NEK5: variants seen among roughly 807,000 people sequenced by gnomAD.
The protein encoded by NEK5 is serine/threonine-protein kinase Nek5.
NEK5 carries 88 observed loss-of-function variants against 109.2 expected under a neutral mutation model. The ratio of observed to expected loss-of-function variants is 0.81; its 90% confidence interval spans 0.68 to 0.96. The LOEUF (loss-of-function observed/expected upper bound fraction) is 0.96, where lower values mean the gene tolerates loss of function less well. Among genes scored for constraint, NEK5 ranks in the 40% least tolerant of loss-of-function variants. The probability of loss-of-function intolerance (pLI) is 0.00; values close to 1 mark genes in which losing one functional copy is unlikely to be tolerated. For missense variants in NEK5, 834 were observed against 920.7 expected (o/e 0.91, Z 1.22); for synonymous variants, 283 against 299.9 (o/e 0.94, Z 0.58).
rs111838891 is a variant in NEK5 at position 52,102,269 on chromosome 13, C to G, written c.633G>C (p.Gln211His). The G allele has an allele frequency of 9.9e-6, 16 of 1,614,074 alleles. No homozygotes were observed. The African/African-American group carries it at 1.3e-4, about 13-fold the overall frequency. ...KHPFEGNNLQQLVLKICQAHF... is the reference protein window; with the variant it reads ...KHPFEGNNLQHLVLKICQAHF... ...GTGCTTGACAAATCTTCAGAACCAG[C>G]TGCTGTAAGTTGTTACCCTCAAACT... is the stretch of plus-strand genomic sequence containing the variant. Residue 211 changes from glutamine (Q) to histidine (H), a missense_variant, in exon 10 of 24, where the codon CAG becomes CAC. Around this residue, in one of 2 missense-constraint regions of NEK5, gnomAD observed 777 missense variants for 824.7 expected, o/e 0.94. Transcript: ENST00000684899.
rs138564783 is a variant in NEK5, at chr13:52,034,799, A to T, written c.*2149T>A. On this transcript the variant is annotated 3_prime_UTR_variant, in exon 24 of 24. Transcript: ENST00000684899. Reference sequence around the variant, plus strand: ...TGGGCTCAAGCGATCCTCCTGCCTCAGCCTCTCAAAGTGTTGGGATTACAG... The same window carrying T: ...TGGGCTCAAGCGATCCTCCTGCCTCTGCCTCTCAAAGTGTTGGGATTACAG... 1,496 of 146,030 alleles carry T rather than the reference A, an allele frequency of 0.01. 16 individuals carry two copies. Among genetic ancestry groups the T allele is most frequent in the South Asian group, 0.016 (76 of 4,634 alleles). 9.0% of individuals were successfully genotyped at this position (146,030 alleles called of 1,614,324 possible). A position where few individuals can be genotyped will look rare whatever the true frequency, so the allele number is the denominator to read the frequency against.
intron 22 of NEK5, among the ~76,000 whole-genome samples, chr13:52,058,645 G>A (rs1414685723): frequency 6.6e-6 from 1 of 151,868 alleles, no homozygotes; most frequent in Non-Finnish European, 1.5e-5. Context: ...CAGAAATAAC[G>A]CCACATATCT....
chr13:52,126,435 G>A (rs1956064793), intron 3 of NEK5, among the ~76,000 whole-genome samples: 1 of 152,282 alleles, frequency 6.6e-6, no homozygotes, highest in South Asian at 2.1e-4. Flanking sequence ...ATAAACAAAT[G>A]AATAATTAAG....
In NEK5 at chr13:52,075,242, C is replaced by T. The variant is rs1264910265; in HGVS notation, c.1722+516G>A. ...AACCTAGGTGCCCATCAGTGGTGGT[C>T]TGGATAAAGAAAATGTGGTACATAT... is the stretch of plus-strand genomic sequence containing the variant. On this transcript the variant is annotated intron_variant, in intron 19 of 23. Coordinates refer to ENST00000684899, the MANE Select transcript of NEK5 (RefSeq NM_001365552.1). 9.2e-5 allele frequency among the ~76,000 whole-genome samples: 14 copies of T among 152,192 alleles called. 1 individual carries two copies. In the East Asian group the frequency reaches 2.7e-3, roughly 29 times the overall value.
At chr13:52,109,931 A>C (rs1284788195) in intron 7 of NEK5, among the ~76,000 whole-genome samples, 1 of 152,166 alleles carries the variant, frequency 6.6e-6, no homozygotes, top group Non-Finnish European at 1.5e-5. Context: ...CCTTGGGTAC[A>C]TGTTCTTAGG....
chr13:52,114,455 C>T (rs926713226), intron 4 of NEK5, among the ~76,000 whole-genome samples: 4 of 152,216 alleles, frequency 2.6e-5, no homozygotes, highest in African/African-American at 7.2e-5. Flanking sequence ...AATTCACAAA[C>T]CATGCATCTT....
intron 17 of NEK5, among the ~76,000 whole-genome samples, chr13:52,078,706 C>T (rs187713728): frequency 6.6e-6 from 1 of 152,218 alleles, no homozygotes; most frequent in African/African-American, 2.4e-5. Context: ...TCCCAGACTC[C>T]ATGGCTACAC....
intron 20 of NEK5, 69 bp downstream of exon 20, chr13:52,071,875 G>A: frequency 7.1e-7 from 1 of 1,399,614 alleles, no homozygotes; most frequent in African/African-American, 1.4e-5. Context: ...AGATGCATGG[G>A]GACAGAGTTC....
intron 11 of NEK5, among the ~76,000 whole-genome samples, chr13:52,101,391 C>T (rs911178784): frequency 1.3e-5 from 2 of 151,792 alleles, no homozygotes; most frequent in Non-Finnish European, 2.9e-5. Context: ...CAGAGCGAGA[C>T]TCCGTCTCGG....
chr13:52,111,856 T>C lies in NEK5; in HGVS notation c.312+412A>G, dbSNP rs140052015. Among the ~76,000 whole-genome samples, 950 of 152,330 alleles carry C rather than the reference T, an allele frequency of 6.2e-3. 12 individuals carry two copies. The highest frequency in any genetic ancestry group is 0.017 in the Middle Eastern group (5 of 294). On this transcript the variant is annotated intron_variant, in intron 5 of 23. Transcript: ENST00000684899. ...AATAGGCATTGCCAAGACAAGCTTC[T>C]ATCCTCCCTAGCAAAGTGGGATATC...
At chr13:52,041,316 T>A (rs796301369) in intron 23 of NEK5, among the ~76,000 whole-genome samples, 6 of 152,268 alleles carry the variant, frequency 3.9e-5, no homozygotes, top group African/African-American at 1.4e-4. Flanking sequence ...TTTTTAATTA[T>A]GAGAAATCAT....
chr13:52,048,814 G>T (rs1954479362), intron 23 of NEK5, among the ~76,000 whole-genome samples: 1 of 152,312 alleles, frequency 6.6e-6, no homozygotes, highest in South Asian at 2.1e-4. Flanking sequence ...GTTTCTAGGG[G>T]CTGGGGTTGG....
intron 12 of NEK5, among the ~76,000 whole-genome samples, chr13:52,097,764 AATTG>A (rs771969873): frequency 2.0e-5 from 3 of 151,132 alleles, no homozygotes; most frequent in Non-Finnish European, 4.4e-5. Flanking sequence ...GAGAAGGGAT[AATTG>A]TATTTTGCAA....
chr13:52,128,195 C>CT lies in NEK5; in HGVS notation c.-90-534dup, dbSNP rs529213951. 4.8e-3 allele frequency among the ~76,000 whole-genome samples: 696 copies of CT among 144,954 alleles called. 4 individuals are homozygous for CT. Among genetic ancestry groups the CT allele is most frequent in the African/African-American group, 0.015 (611 of 40,314 alleles). On this transcript the variant is annotated intron_variant, in intron 1 of 23. Transcript: ENST00000684899. Reference sequence around the variant, plus strand: ...ATTTTTGCAGTTTTAATGAACACTTCTTTTTTTTTTCGAGGAATGCAACTA... The same window carrying CT: ...ATTTTTGCAGTTTTAATGAACACTTCTTTTTTTTTTTCGAGGAATGCAACTA...
intron 8 of NEK5, 101 bp from the exon 9 acceptor site, chr13:52,104,653 A>G (rs988616097): frequency 2.6e-6 from 2 of 783,208 alleles, no homozygotes; most frequent in African/African-American, 3.5e-5. Context: ...TTACAATTTT[A>G]TGTAAGTTGA....
rs1315071273 is a variant in NEK5 at position 52,055,864 on chromosome 13, C to T, written c.2111-5643G>A. 5.9e-5 allele frequency among the ~76,000 whole-genome samples: 9 copies of T among 152,142 alleles called. No individual in the cohort carries two copies. The East Asian group carries it at 1.2e-3, about 20-fold the overall frequency. On this transcript the variant is annotated intron_variant, in intron 22 of 23. Transcript: ENST00000684899. ...AATCATGCCAAAATGTAAAGACCAT[C>T]GAGACTACGAAGAAACTGCACCAAC...
chr13:52,095,054 C>T (rs1312267327), intron 12 of NEK5, among the ~76,000 whole-genome samples: 1 of 152,076 alleles, frequency 6.6e-6, no homozygotes, highest in Non-Finnish European at 1.5e-5. Flanking sequence ...GTAACTGGGA[C>T]TACAGGCACA....
At chr13:52,049,035 G>A (rs1317149819) in intron 23 of NEK5, among the ~76,000 whole-genome samples, 9 of 152,128 alleles carry the variant, frequency 5.9e-5, no homozygotes, top group Non-Finnish European at 1.3e-4. Context: ...ATATTTATTA[G>A]CTTGATTTAG....
intron 3 of NEK5, 130 bp downstream of exon 3, chr13:52,127,236 T>C (rs947415097): frequency 6.6e-6 from 4 of 602,144 alleles, no homozygotes; most frequent in South Asian, 2.0e-5. Flanking sequence ...ACTTAGGAGG[T>C]TGAATTAACA....
Sources: gnomAD v4.1 joint callset for allele counts (sites outside exome capture counted in the v4.1 genomes callset) on GRCh38, gnomAD v4.1.1 for gene constraint, gnomAD v4.1.1 regional missense constraint, MANE v1.5 for transcripts, NCBI Gene and HGNC (gene_info 2026-07-23, HGNC 2026-07-21) for gene names.